The following PCDH9 variants were observed in gnomAD, a reference collection of about 807,000 sequenced individuals.
PCDH9 encodes the protein protocadherin 9, also known as protocadherin-9.
A neutral mutation model predicts 70.6 loss-of-function variants in PCDH9; 24 were observed. That is an observed-to-expected ratio of 0.34 (90% CI 0.25 to 0.48). The LOEUF is 0.48. Ranked by LOEUF, PCDH9 falls within the 20% of genes least tolerant of loss-of-function variation. The probability of loss-of-function intolerance (pLI) is 0.99; values close to 1 mark genes in which losing one functional copy is unlikely to be tolerated. For synonymous variants in PCDH9, 562 were observed against 558.5 expected (o/e 1.01, Z -0.09); for missense variants, 1,281 against 1,503.6 (o/e 0.85, Z 2.45).
At chr13:67,159,712 C>T (rs951790521) in intron 2 of PCDH9, among the ~76,000 whole-genome samples, 1 of 151,402 alleles carries the variant, frequency 6.6e-6, no homozygotes, top group South Asian at 2.1e-4. Flanking sequence ...TGGTAACACA[C>T]TTTTTTAGAG....
At chr13:67,079,965 C>T (rs2085951839) in intron 2 of PCDH9, among the ~76,000 whole-genome samples, 1 of 152,170 alleles carries the variant, frequency 6.6e-6, no homozygotes. Flanking sequence ...ATCTCCCCAG[C>T]CCTCTGCTTT....
chr13:67,091,517 TA>T (rs2086218085), intron 2 of PCDH9, among the ~76,000 whole-genome samples: 1 of 152,150 alleles, frequency 6.6e-6, no homozygotes, highest in African/African-American at 2.4e-5. Context: ...GATTTTAGCT[TA>T]TATGCCCAAC....
intron 4 of PCDH9, among the ~76,000 whole-genome samples, chr13:66,378,212 A>G (rs1593882088): frequency 6.6e-6 from 1 of 152,162 alleles, no homozygotes; most frequent in East Asian, 1.9e-4. Context: ...AATCACATGA[A>G]CTGTGCTGGA....
chr13:66,667,763 A>G (rs1444375493), intron 3 of PCDH9, among the ~76,000 whole-genome samples: 1 of 152,154 alleles, frequency 6.6e-6, no homozygotes, highest in Non-Finnish European at 1.5e-5. Flanking sequence ...TATTATGCAC[A>G]GTATTGTGTT....
Position 67,225,541 on chromosome 13 carries a change from A to T in PCDH9, c.2900T>A (p.Leu967His). The T allele has an allele frequency of 6.2e-7, 1 of 1,614,098 alleles. No individual in the cohort carries two copies. The highest frequency in any genetic ancestry group is 8.5e-7 in the Non-Finnish European group (1 of 1,180,026). Residue 967 changes from leucine (L) to histidine (H), a missense_variant, in exon 2 of 5, where the codon CTC (leucine) becomes CAC (histidine). This residue lies in a region of PCDH9 where 207 missense variants were observed against 191.8 expected (regional missense o/e 1.08). Transcript: ENST00000377865. ...SVKKHHVIQELPLDNTFVGGC... is the reference protein window; with the variant it reads ...SVKKHHVIQEHPLDNTFVGGC... ...CCCAACAAAGGTGTTGTCCAAAGGGAGTTCCTGAATCACGTGGTGCTTTTT... is the reference window on the plus strand; with the variant it reads ...CCCAACAAAGGTGTTGTCCAAAGGGTGTTCCTGAATCACGTGGTGCTTTTT...
intron 3 of PCDH9, among the ~76,000 whole-genome samples, chr13:66,861,562 G>A (rs1796463456): frequency 6.6e-6 from 1 of 152,002 alleles, no homozygotes; most frequent in South Asian, 2.1e-4. Context: ...ATTTGAAGGG[G>A]GAAAAGGTTG....
At chr13:66,677,070 T>C (rs2078253606) in intron 3 of PCDH9, among the ~76,000 whole-genome samples, 1 of 152,080 alleles carries the variant, frequency 6.6e-6, no homozygotes, top group South Asian at 2.1e-4. Context: ...GGTTAATGGA[T>C]TGACCATGGT....
At chr13:66,847,445 A>C (rs2081231538) in intron 3 of PCDH9, among the ~76,000 whole-genome samples, 1 of 152,220 alleles carries the variant, frequency 6.6e-6, no homozygotes, top group Non-Finnish European at 1.5e-5. Flanking sequence ...TACATAATAA[A>C]GTTTATAAGT....
intron 2 of PCDH9, among the ~76,000 whole-genome samples, chr13:66,958,841 T>C (rs1241652821): frequency 6.6e-6 from 1 of 152,196 alleles, no homozygotes; most frequent in East Asian, 1.9e-4. Context: ...GGTGGTTCTC[T>C]CTGCAGAGAT....
chr13:66,909,597 A>G (rs547371459), intron 2 of PCDH9, among the ~76,000 whole-genome samples: 16 of 152,138 alleles, frequency 1.1e-4, no homozygotes, highest in African/African-American at 2.4e-4. Flanking sequence ...GTGAAACCCC[A>G]TCTCTACTGA....
intron 3 of PCDH9, among the ~76,000 whole-genome samples, chr13:66,832,211 G>T (rs1468169039): frequency 6.6e-6 from 1 of 152,016 alleles, no homozygotes; most frequent in Non-Finnish European, 1.5e-5. Context: ...TGCATAGTTT[G>T]TTTTCAACAG....
At chr13:66,564,462 G>C (rs1450727846) in intron 4 of PCDH9, among the ~76,000 whole-genome samples, 2 of 152,016 alleles carry the variant, frequency 1.3e-5, no homozygotes, top group African/African-American at 4.8e-5. Flanking sequence ...CACCACACTA[G>C]TCATTGATTT....
chr13:66,844,106 T>G (rs1566234533), intron 3 of PCDH9, among the ~76,000 whole-genome samples: 2 of 152,148 alleles, frequency 1.3e-5, no homozygotes, highest in African/African-American at 4.8e-5. Context: ...CAGTTCTCAA[T>G]CTAGTTAATT....
At chr13:66,508,871 T>C (rs1384169396) in intron 4 of PCDH9, among the ~76,000 whole-genome samples, 2 of 152,270 alleles carry the variant, frequency 1.3e-5, no homozygotes, top group South Asian at 2.1e-4. Context: ...TAGAGTATAA[T>C]TGTCATTAGG....
intron 2 of PCDH9, among the ~76,000 whole-genome samples, chr13:67,036,228 T>G (rs1476382154): frequency 2.6e-5 from 4 of 152,182 alleles, no homozygotes; most frequent in Admixed American, 2.6e-4. Flanking sequence ...GCATGGGCAT[T>G]TGAAGAAAAT....
intron 4 of PCDH9, among the ~76,000 whole-genome samples, chr13:66,330,145 T>C (rs1019513783): frequency 6.6e-6 from 1 of 152,246 alleles, no homozygotes; most frequent in Admixed American, 6.5e-5. Context: ...GCACATGGCA[T>C]GAATCATATA....
intron 3 of PCDH9, among the ~76,000 whole-genome samples, chr13:66,780,345 A>C (rs2139296860): frequency 6.6e-6 from 1 of 152,330 alleles, no homozygotes; most frequent in Admixed American, 6.5e-5. Flanking sequence ...CACTAGGATC[A>C]GCATCTGCTT....
At chr13:66,306,095 T>C (rs1010477676) in intron 4 of PCDH9, 1 of 151,766 alleles carries the variant, frequency 6.6e-6, no homozygotes. Flanking sequence ...GTTAAGTGGA[T>C]ACACAAGAAT....
intron 3 of PCDH9, among the ~76,000 whole-genome samples, chr13:66,647,543 C>T (rs1359000180): frequency 6.6e-6 from 1 of 151,940 alleles, no homozygotes; most frequent in Non-Finnish European, 1.5e-5. Context: ...TAATCAGCAG[C>T]GGTAGCCAGG....
Sources: gnomAD v4.1 joint callset for allele counts (sites outside exome capture counted in the v4.1 genomes callset) on GRCh38, gnomAD v4.1.1 for gene constraint, gnomAD v4.1.1 regional missense constraint, MANE v1.5 for transcripts, NCBI Gene and HGNC (gene_info 2026-07-23, HGNC 2026-07-21) for gene names.